Variants in SLC25A13 observed in about 807,000 individuals in gnomAD.
SLC25A13 encodes solute carrier family 25 member 13.
In SLC25A13, 70 loss-of-function variants were observed where a neutral mutation model predicts 85.5. The ratio of observed to expected loss-of-function variants is 0.82; its 90% CI spans 0.68 to 1.00. The LOEUF (loss-of-function observed/expected upper bound fraction) is 1.00. Ranked by LOEUF, SLC25A13 falls within the 50% of genes least tolerant of loss-of-function variation. The pLI, the probability that SLC25A13 is intolerant of heterozygous loss-of-function variation, is 0.00. For synonymous variants in SLC25A13, 259 were observed against 288.7 expected (o/e 0.90, Z 1.04); for missense variants, 765 against 819.8 (o/e 0.93, Z 0.82).
intron 14 of SLC25A13, among the ~76,000 whole-genome samples, chr7:96,135,040 C>G (rs1554337612): frequency 1.3e-5 from 2 of 151,998 alleles, no homozygotes; most frequent in Non-Finnish European, 2.9e-5. Context: ...CCTGTCACCC[C>G]TAGCCATGTG....
intron 13 of SLC25A13, among the ~76,000 whole-genome samples, chr7:96,149,767 T>G (rs1792954068): frequency 6.6e-6 from 1 of 152,088 alleles, no homozygotes. Flanking sequence ...TCTCCACGAC[T>G]TGATCACTGA....
At chr7:96,275,116 T>C (rs190415711) in intron 3 of SLC25A13, among the ~76,000 whole-genome samples, 143 of 152,336 alleles carry the variant, frequency 9.4e-4, no homozygotes, top group African/African-American at 3.4e-3. Context: ...TTTCACGACA[T>C]TGATTCTTCC....
intron 13 of SLC25A13, among the ~76,000 whole-genome samples, chr7:96,160,974 A>AT (rs5885943): frequency 0.014 from 1,908 of 135,482 alleles, 18 homozygotes; most frequent in South Asian, 0.023. Flanking sequence ...TGAGGTTAGC[A>AT]TTTTTTTTTT....
At position 96,247,959 on chromosome 7, in the gene SLC25A13, A is replaced by G. The variant is rs1263324116; in HGVS notation, c.213-13042T>C. On this transcript the variant is annotated intron_variant, in intron 3 of 17. Coordinates refer to ENST00000265631, the MANE Select transcript of SLC25A13 (RefSeq NM_014251.3). The stretch of plus-strand genomic sequence containing the variant: ...GTCTGCATTGAGAGTAGCAGCTGGG[A>G]AAAAAAAAAAAAAAAGAAAGAGTAG... 7.6e-5 allele frequency among the ~76,000 whole-genome samples: 10 copies of G among 131,172 alleles called. No homozygotes were observed. In the East Asian group the frequency reaches 1.8e-3, roughly 24 times the overall value. The allele number at this position is 131,172 out of a possible 152,430, so 86.1% of individuals were successfully genotyped here.
chr7:96,158,159 G>A (rs978584354), intron 13 of SLC25A13, among the ~76,000 whole-genome samples: 1 of 152,138 alleles, frequency 6.6e-6, no homozygotes, highest in African/African-American at 2.4e-5. Context: ...TTTCTCCAAT[G>A]CTTCTTTATT....
chr7:96,169,807 C>G (rs1174259761), intron 13 of SLC25A13: 4 of 555,900 alleles, frequency 7.2e-6, no homozygotes, highest in Non-Finnish European at 1.3e-5. Context: ...GCAGAACAAA[C>G]CATAAGCAAT....
intron 3 of SLC25A13, among the ~76,000 whole-genome samples, chr7:96,244,812 T>C (rs569231629): frequency 2.0e-5 from 3 of 152,348 alleles, no homozygotes; most frequent in South Asian, 4.1e-4. Flanking sequence ...ATCTGGCAGA[T>C]TGAATATTGT....
chr7:96,310,044 C>T (rs1352355177), intron 1 of SLC25A13, among the ~76,000 whole-genome samples: 1 of 152,134 alleles, frequency 6.6e-6, no homozygotes, highest in African/African-American at 2.4e-5. Context: ...CAGGAGAAAC[C>T]AAACTTGCTG....
At chr7:96,282,215 C>T (rs915088364) in intron 2 of SLC25A13, among the ~76,000 whole-genome samples, 5 of 152,138 alleles carry the variant, frequency 3.3e-5, no homozygotes, top group African/African-American at 1.2e-4. Flanking sequence ...AGAAATACCA[C>T]CATACTCAGT....
At chr7:96,288,030 G>A (rs536552731) in intron 2 of SLC25A13, among the ~76,000 whole-genome samples, 1 of 152,242 alleles carries the variant, frequency 6.6e-6, no homozygotes, top group Non-Finnish European at 1.5e-5. Flanking sequence ...TCCAACCATG[G>A]TGGTCCCAAC....
At chr7:96,229,462 G>T (rs1178373755) in intron 4 of SLC25A13, among the ~76,000 whole-genome samples, 2 of 152,112 alleles carry the variant, frequency 1.3e-5, no homozygotes, top group Non-Finnish European at 2.9e-5. Flanking sequence ...GGGAATAAAA[G>T]CAGGCTGCCC....
intron 3 of SLC25A13, among the ~76,000 whole-genome samples, chr7:96,258,221 C>T (rs1280128911): frequency 2.0e-5 from 3 of 152,048 alleles, no homozygotes; most frequent in Admixed American, 6.5e-5. Context: ...CTGGCCAGGG[C>T]AATCAGGCAA....
intron 2 of SLC25A13, among the ~76,000 whole-genome samples, chr7:96,285,931 C>T (rs1046758186): frequency 2.6e-5 from 4 of 152,164 alleles, no homozygotes; most frequent in Admixed American, 2.6e-4. Flanking sequence ...TAGACTTTAA[C>T]TTCTACATCT....
At chr7:96,210,074 T>C (rs748757445) in intron 4 of SLC25A13, among the ~76,000 whole-genome samples, 2 of 152,196 alleles carry the variant, frequency 1.3e-5, no homozygotes, top group Non-Finnish European at 2.9e-5. Context: ...ACCCCCATTA[T>C]ACCCACAGTT....
chr7:96,276,598 G>C (rs1166031570), intron 3 of SLC25A13, among the ~76,000 whole-genome samples: 1 of 152,102 alleles, frequency 6.6e-6, no homozygotes, highest in Non-Finnish European at 1.5e-5. Flanking sequence ...ACTCCAGCCC[G>C]AGCAACAGAG....
At chr7:96,170,951 A>ATC (rs541664331) in intron 12 of SLC25A13, among the ~76,000 whole-genome samples, 168 of 152,356 alleles carry the variant, frequency 1.1e-3, no homozygotes, top group African/African-American at 3.9e-3. Flanking sequence ...TAGAACCCAG[A>ATC]TCCCTGCACA....
chr7:96,322,014 G>A lies in SLC25A13; in HGVS notation c.-58C>T. On this transcript the variant is annotated 5_prime_UTR_variant, in exon 1 of 18. Coordinates refer to ENST00000265631, the MANE Select transcript of SLC25A13 (RefSeq NM_014251.3). ...CACTGACTGGCTGGCTGGCGTTTGG[G>A]ACCCGGGCGGCTCACTTCTAGTCCC... 2.6e-6 allele frequency: 4 copies of A among 1,530,578 alleles called. No individual in the cohort carries two copies. The highest frequency in any genetic ancestry group is 2.6e-5 in the East Asian group (1 of 38,698). The allele number at this position is 1,530,578 out of a possible 1,614,324, so 94.8% of individuals were successfully genotyped here.
At chr7:96,245,379 G>T (rs1310232447) in intron 3 of SLC25A13, among the ~76,000 whole-genome samples, 2 of 152,018 alleles carry the variant, frequency 1.3e-5, no homozygotes, top group Admixed American at 6.6e-5. Context: ...TCACAAAAAT[G>T]CTCCGATCAC....
chr7:96,251,428 ACT>A (rs1797422764), intron 3 of SLC25A13, among the ~76,000 whole-genome samples: 1 of 152,206 alleles, frequency 6.6e-6, no homozygotes, highest in African/African-American at 2.4e-5. Flanking sequence ...TAACAGAATC[ACT>A]CTGGCTGCAC....
Sources: allele counts gnomAD v4.1 joint callset (sites outside exome capture counted in the v4.1 genomes callset), GRCh38; gene constraint gnomAD v4.1.1; transcripts MANE v1.5; gene names NCBI Gene and HGNC (gene_info 2026-07-23, HGNC 2026-07-21).